Variants in CUL3 observed in about 807,000 individuals in gnomAD.
The protein encoded by CUL3 is cullin 3, also known as cullin-3.
In CUL3, 19 loss-of-function variants were observed where a neutral mutation model predicts 89.1. That is an observed-to-expected ratio of 0.21 (90% CI 0.15 to 0.31). The LOEUF is 0.31. Among genes scored for constraint, CUL3 ranks in the 10% least tolerant of loss-of-function variants. CUL3 has a pLI of 1.00. For synonymous variants in CUL3, 351 were observed against 308.4 expected, an observed-to-expected ratio of 1.14 and a Z score of -1.45; for missense variants, 469 against 942.3, an observed-to-expected ratio of 0.50 and a Z score of 6.58.
intron 14 of CUL3, among the ~76,000 whole-genome samples, chr2:224,480,831 G>C (rs1398042508): frequency 6.6e-6 from 1 of 151,962 alleles, no homozygotes; most frequent in Non-Finnish European, 1.5e-5. Flanking sequence ...CCATGACACT[G>C]GCTAGCACAG....
At chr2:224,584,445 T>C (rs552211293) in intron 1 of CUL3, among the ~76,000 whole-genome samples, 2 of 152,244 alleles carry the variant, frequency 1.3e-5, no homozygotes, top group Admixed American at 6.5e-5. Flanking sequence ...CGGGGGCAGG[T>C]TGATGGCATA....
rs951424291 is a variant in CUL3, at chr2:224,546,828, C to T, written c.264+10831G>A. ...TTCAATGTAGAAACCATTCAATTTCCAATGTCCTTCATATCCCACGGTTGC... is the reference window on the plus strand; with the variant it reads ...TTCAATGTAGAAACCATTCAATTTCTAATGTCCTTCATATCCCACGGTTGC... On this transcript the variant is annotated intron_variant, in intron 2 of 15. Transcript: ENST00000264414. 2.6e-5 allele frequency among the ~76,000 whole-genome samples: 4 copies of T among 152,188 alleles called. No individual in the cohort carries two copies. The South Asian group carries it at 8.3e-4, about 32-fold the overall frequency.
At chr2:224,506,744 T>C (rs916415874) in intron 7 of CUL3, 114 bp downstream of exon 7, 15 of 859,524 alleles carry the variant, frequency 1.7e-5, no homozygotes, top group Non-Finnish European at 2.6e-5. Flanking sequence ...ATTAATTTAC[T>C]ACTGGGACAA....
chr2:224,514,046 C>G (rs1417824119), intron 4 of CUL3, among the ~76,000 whole-genome samples: 1 of 151,916 alleles, frequency 6.6e-6, no homozygotes, highest in Non-Finnish European at 1.5e-5. Flanking sequence ...GCACCAAAGA[C>G]GAAATAAAAA....
chr2:224,502,540 C>G (rs925063205), intron 10 of CUL3, among the ~76,000 whole-genome samples: 3 of 152,098 alleles, frequency 2.0e-5, no homozygotes, highest in South Asian at 2.1e-4. Context: ...GCTAAACTTA[C>G]AGAGGAGAAT....
intron 10 of CUL3, among the ~76,000 whole-genome samples, chr2:224,502,459 T>A (rs1432409350): frequency 6.6e-6 from 1 of 152,344 alleles, no homozygotes; most frequent in South Asian, 2.1e-4. Context: ...ACATTTATAA[T>A]ACATTAATTT....
chr2:224,515,986 G>T (rs1239816233), intron 3 of CUL3, among the ~76,000 whole-genome samples: 1 of 151,738 alleles, frequency 6.6e-6, no homozygotes, highest in South Asian at 2.1e-4. Flanking sequence ...CACCATGCCC[G>T]GCCCCAAACA....
intron 2 of CUL3, among the ~76,000 whole-genome samples, chr2:224,553,684 T>C (rs1272478550): frequency 6.6e-6 from 1 of 152,154 alleles, no homozygotes; most frequent in Admixed American, 6.5e-5. Flanking sequence ...CATTATAAGA[T>C]ACATGAGAGA....
chr2:224,561,318 T>C (rs1694894448), intron 1 of CUL3, among the ~76,000 whole-genome samples: 1 of 152,230 alleles, frequency 6.6e-6, no homozygotes, highest in South Asian at 2.1e-4. Flanking sequence ...AAGTTCTGCA[T>C]TTACAACCTA....
rs563996271 is a variant in CUL3 at position 224,566,970 on chromosome 2, G to A, written c.67-9114C>T. On this transcript the variant is annotated intron_variant, in intron 1 of 15. Coordinates refer to ENST00000264414, the MANE Select transcript of CUL3 (RefSeq NM_003590.5). ...GAAATGGCAGGTAACCACAGCTGCA[G>A]AACTTAATCTAGTACACATCAAGCA... is the stretch of plus-strand genomic sequence containing the variant. Among the ~76,000 whole-genome samples, 124 of 152,262 alleles carry A rather than the reference G, an allele frequency of 8.1e-4. 1 individual carries two copies. The highest frequency in any genetic ancestry group is 2.9e-3 in the African/African-American group (119 of 41,550).
chr2:224,571,522 T>C (rs767322044), intron 1 of CUL3, among the ~76,000 whole-genome samples: 6 of 152,172 alleles, frequency 3.9e-5, no homozygotes, highest in Non-Finnish European at 7.4e-5. Flanking sequence ...CGAACTGCCA[T>C]AGTTTGCTCT....
At chr2:224,538,583 C>T (rs899253053) in intron 2 of CUL3, among the ~76,000 whole-genome samples, 7 of 152,026 alleles carry the variant, frequency 4.6e-5, no homozygotes, top group African/African-American at 1.7e-4. Context: ...ACAGGTAGTA[C>T]CAGAACCAAA....
chr2:224,532,028 T>C (rs923436952), intron 3 of CUL3, among the ~76,000 whole-genome samples: 4 of 152,186 alleles, frequency 2.6e-5, no homozygotes, highest in South Asian at 2.1e-4. Flanking sequence ...AAAGAACTTA[T>C]AAGAATAATT....
chr2:224,506,444 C>G (rs1436993380), intron 7 of CUL3, among the ~76,000 whole-genome samples: 1 of 151,802 alleles, frequency 6.6e-6, no homozygotes, highest in African/African-American at 2.4e-5. Context: ...AAAAATGTAC[C>G]AAAAAAAGCT....
intron 11 of CUL3, chr2:224,500,013 A>C (rs1227076151): frequency 5.8e-6 from 1 of 171,348 alleles, no homozygotes; most frequent in African/African-American, 2.4e-5. Flanking sequence ...CGTATTTCCA[A>C]CAATTGGAGT....
In CUL3 at chr2:224,497,907, C is replaced by T; in HGVS notation, c.1611-58G>A. ...AAACAAACTTACACATTTGAAATTA[C>T]AAACTACAGGATAACATCCCTTAAA... On this transcript the variant is annotated intron_variant, in intron 11 of 15. Coordinates refer to ENST00000264414, the MANE Select transcript of CUL3 (RefSeq NM_003590.5). 6 of 1,278,082 alleles carry T rather than the reference C, an allele frequency of 4.7e-6. No homozygotes were observed. The South Asian group carries it at 6.0e-5, about 13-fold the overall frequency. 79.2% of individuals were successfully genotyped at this position (1,278,082 alleles called of 1,614,324 possible).
At chr2:224,517,823 A>AT in intron 3 of CUL3, among the ~76,000 whole-genome samples, 1 of 152,158 alleles carries the variant, frequency 6.6e-6, no homozygotes, top group East Asian at 1.9e-4. Context: ...TTTTCACTCT[A>AT]ATGTCTTAAA....
chr2:224,482,031 G>A lies in CUL3; in HGVS notation c.1890C>T (p.Ala630=), dbSNP rs2106152215. ...TDIPERELVR[A]LQSLACGKPT... ...GTTTACCACAGGCGAGGGACTGTAG[G>A]GCTCTAACAAGCTCTCTTTCAGGGA... The change falls in exon 14 of 16, where the codon GCC becomes GCT. Residue 630 remains alanine (A), a synonymous_variant. Coordinates refer to ENST00000264414, the MANE Select transcript of CUL3 (RefSeq NM_003590.5). 3 of 1,606,592 alleles carry A rather than the reference G, an allele frequency of 1.9e-6. No individual in the cohort carries two copies. The highest frequency in any genetic ancestry group is 2.5e-6 in the Non-Finnish European group (3 of 1,177,328).
intron 1 of CUL3, chr2:224,569,622 A>G (rs772578171): frequency 5.3e-6 from 4 of 759,864 alleles, no homozygotes; most frequent in Non-Finnish European, 6.5e-6. Context: ...ATTACTTCAG[A>G]TGATATAAAA....
Sources: gnomAD v4.1 joint callset for allele counts (sites outside exome capture counted in the v4.1 genomes callset) on GRCh38, gnomAD v4.1.1 for gene constraint, MANE v1.5 for transcripts, NCBI Gene and HGNC (gene_info 2026-07-23, HGNC 2026-07-21) for gene names.